The following ATP13A5 variants were observed in gnomAD, a reference collection of about 807,000 sequenced individuals.
ATP13A5 encodes the protein probable cation-transporting ATPase 13A5.
Under a neutral mutation model 150.2 loss-of-function variants are expected in ATP13A5, and 149 were observed. The observed-to-expected ratio is 0.99, with a 90% CI of 0.87 to 1.14. ATP13A5 has a LOEUF of 1.14. Ranked by LOEUF, ATP13A5 falls within the 50% of genes most tolerant of loss-of-function variation. The pLI, the probability that ATP13A5 is intolerant of heterozygous loss-of-function variation, is 0.00. For missense variants in ATP13A5, 1,383 were observed against 1,449.3 expected (o/e 0.95, Z 0.74); for synonymous variants, 497 against 522.2 (o/e 0.95, Z 0.66).
intron 9 of ATP13A5, among the ~76,000 whole-genome samples, chr3:193,337,088 GT>G (rs886168981): frequency 6.6e-6 from 1 of 152,180 alleles, no homozygotes; most frequent in Non-Finnish European, 1.5e-5. Flanking sequence ...GGGGTTGTTT[GT>G]TTTTTTCTTG....
intron 1 of ATP13A5, among the ~76,000 whole-genome samples, chr3:193,376,592 T>G (rs4687417): frequency 1.3e-5 from 2 of 152,180 alleles, no homozygotes; most frequent in Non-Finnish European, 2.9e-5. Flanking sequence ...GGTTTGATAC[T>G]TAGGTAAAAG....
intron 9 of ATP13A5, among the ~76,000 whole-genome samples, chr3:193,338,007 G>A (rs1265897411): frequency 1.3e-5 from 2 of 152,310 alleles, no homozygotes; most frequent in East Asian, 3.9e-4. Flanking sequence ...GTGAATGGGA[G>A]TTCACTCATA....
intron 9 of ATP13A5, among the ~76,000 whole-genome samples, chr3:193,340,869 T>C (rs1025744346): frequency 2.6e-5 from 4 of 152,342 alleles, no homozygotes; most frequent in South Asian, 2.1e-4. Context: ...GCAGAAATCT[T>C]ATCTGCCTTT....
chr3:193,323,209 C>T (rs735930), intron 14 of ATP13A5: 5,476 of 152,280 alleles, frequency 0.036, 147 homozygotes, highest in Non-Finnish European at 0.054. Context: ...CTGCCACTTA[C>T]CTGTTTAATC....
chr3:193,275,427 C>G, intron 29 of ATP13A5, 125 bp from the exon 30 acceptor site: 1 of 1,085,874 alleles, frequency 9.2e-7, no homozygotes, highest in African/African-American at 1.6e-5. Context: ...GCTGTTGCAT[C>G]TACCTCTCCT....
intron 27 of ATP13A5, among the ~76,000 whole-genome samples, chr3:193,280,481 T>C (rs187778019): frequency 6.6e-6 from 1 of 152,356 alleles, no homozygotes; most frequent in East Asian, 1.9e-4. Flanking sequence ...TCAACTGGAC[T>C]GTGACCATTT....
chr3:193,279,858 C>T (rs886603682), intron 27 of ATP13A5, among the ~76,000 whole-genome samples: 3 of 151,608 alleles, frequency 2.0e-5, no homozygotes, highest in Admixed American at 6.6e-5. Context: ...AATCTGGTCC[C>T]AATCAGCCTT....
At position 193,344,365 on chromosome 3, in the gene ATP13A5, G is replaced by A. The variant is rs371445344; in HGVS notation, c.815-310C>T. ...GTGCAGCTTCCTGCTGTTTGCTCTCGTCCGGGTTTCTGATTCCTGTGGTTG... is the reference window on the plus strand; with the variant it reads ...GTGCAGCTTCCTGCTGTTTGCTCTCATCCGGGTTTCTGATTCCTGTGGTTG... On this transcript the variant is annotated intron_variant, in intron 8 of 29. Transcript: ENST00000342358. 1.1e-4 allele frequency among the ~76,000 whole-genome samples: 17 copies of A among 152,256 alleles called. No individual in the cohort carries two copies. The South Asian group carries it at 1.2e-3, about 11-fold the overall frequency.
In ATP13A5 at chr3:193,274,893, C is replaced by T; in HGVS notation, c.*149G>A. Reference sequence around the variant, plus strand: ...GTCAGAATAAGCCTATCTAAGGTCCCTTGCTGCAAGGTTTAATTCATTGAA... The same window carrying T: ...GTCAGAATAAGCCTATCTAAGGTCCTTTGCTGCAAGGTTTAATTCATTGAA... On this transcript the variant is annotated 3_prime_UTR_variant, in exon 30 of 30. Coordinates refer to ENST00000342358, the MANE Select transcript of ATP13A5 (RefSeq NM_198505.4). 8.6e-7 allele frequency: 1 copy of T among 1,169,582 alleles called. No homozygotes were observed. The highest frequency in any genetic ancestry group is 1.2e-6 in the Non-Finnish European group (1 of 823,502). The allele number at this position is 1,169,582 out of a possible 1,614,324, so 72.5% of individuals were successfully genotyped here. A position where few individuals can be genotyped will look rare whatever the true frequency, so the allele number is the denominator to read the frequency against.
intron 1 of ATP13A5, among the ~76,000 whole-genome samples, chr3:193,373,685 C>A (rs1233632669): frequency 3.3e-5 from 5 of 152,100 alleles, no homozygotes; most frequent in Non-Finnish European, 7.3e-5. Flanking sequence ...GCATGTGGCC[C>A]TCACAAAACT....
chr3:193,305,550 A>C lies in ATP13A5; in HGVS notation c.2678+9T>G, dbSNP rs745940313. The C allele has an allele frequency of 1.2e-6, 2 of 1,611,018 alleles. No homozygotes were observed. The highest frequency in any genetic ancestry group is 4.5e-5 in the East Asian group (2 of 44,848). ...GATTGTAGGGCTGGAAGAGGAAAAA[A>C]TGACTTACCTGATGAGATGAGGCAC... is the stretch of plus-strand genomic sequence containing the variant. On this transcript the variant is annotated intron_variant, in intron 23 of 29. Coordinates refer to ENST00000342358, the MANE Select transcript of ATP13A5 (RefSeq NM_198505.4).
intron 7 of ATP13A5, among the ~76,000 whole-genome samples, chr3:193,348,665 ACT>A (rs951579161): frequency 1.2e-4 from 19 of 152,012 alleles, no homozygotes; most frequent in African/African-American, 4.4e-4. Flanking sequence ...GCAAACACTT[ACT>A]CTCTTACAAT....
intron 1 of ATP13A5, 74 bp from the exon 2 acceptor site, chr3:193,364,354 C>G: frequency 6.6e-7 from 1 of 1,524,290 alleles, no homozygotes; most frequent in Non-Finnish European, 8.9e-7. Flanking sequence ...TTCAATAAAC[C>G]AAACTTGAGA....
In ATP13A5 at chr3:193,291,628, G is replaced by A. The variant is rs1360465641; in HGVS notation, c.2849-1569C>T. 2.6e-5 allele frequency among the ~76,000 whole-genome samples: 4 copies of A among 152,098 alleles called. No homozygotes were observed. The East Asian group carries it at 7.8e-4, about 30-fold the overall frequency. On this transcript the variant is annotated intron_variant, in intron 25 of 29. Coordinates refer to ENST00000342358, the MANE Select transcript of ATP13A5 (RefSeq NM_198505.4). ...CCTGACCTCCAGATAGGGGAGTGGG[G>A]TTAGAGACTAAGTTTGACCTCACAG...
intron 28 of ATP13A5, among the ~76,000 whole-genome samples, chr3:193,277,103 G>A (rs75246018): frequency 0.031 from 4,788 of 152,234 alleles, 119 homozygotes; most frequent in Non-Finnish European, 0.048. Context: ...TCACAAATAC[G>A]AGACAGGACA....
At chr3:193,366,336 G>T (rs552407872) in intron 1 of ATP13A5, among the ~76,000 whole-genome samples, 4 of 151,894 alleles carry the variant, frequency 2.6e-5, no homozygotes, top group African/African-American at 9.7e-5. Context: ...AAGACCTATC[G>T]TATACTATTT....
Position 193,306,023 on chromosome 3 carries a change from T to C in ATP13A5, c.2569-355A>G, listed in dbSNP as rs552686853. 1.5e-4 allele frequency among the ~76,000 whole-genome samples: 23 copies of C among 152,160 alleles called. No individual in the cohort carries two copies. In the East Asian group the frequency reaches 4.2e-3, roughly 28 times the overall value. ...ATGACAGAATTTGGATGGACGTTGG[T>C]TGGGGACCTTCACCGTTTCAGTTCT... On this transcript the variant is annotated intron_variant, in intron 22 of 29. Transcript: ENST00000342358.
chr3:193,309,863 T>C (rs1560125941), intron 21 of ATP13A5, among the ~76,000 whole-genome samples: 1 of 152,170 alleles, frequency 6.6e-6, no homozygotes, highest in Non-Finnish European at 1.5e-5. Flanking sequence ...TTTTTTTTAA[T>C]CCCCTTTTTT....
intron 6 of ATP13A5, among the ~76,000 whole-genome samples, chr3:193,352,498 T>A (rs537388025): frequency 7.7e-4 from 117 of 152,276 alleles, no homozygotes; most frequent in Admixed American, 3.1e-3. Context: ...ACTTGGTTTT[T>A]TTTTTCTTTC....
Sources: gnomAD v4.1 joint callset for allele counts (sites outside exome capture counted in the v4.1 genomes callset) on GRCh38, gnomAD v4.1.1 for gene constraint, MANE v1.5 for transcripts, NCBI Gene and HGNC (gene_info 2026-07-23, HGNC 2026-07-21) for gene names.